KIAA0825: variants seen among roughly 807,000 people sequenced by gnomAD.
KIAA0825 encodes uncharacterized protein KIAA0825.
Under a neutral mutation model 147.6 loss-of-function variants are expected in KIAA0825, and 119 were observed. The observed-to-expected ratio is 0.81, with a 90% CI of 0.69 to 0.94. The LOEUF (loss-of-function observed/expected upper bound fraction) is 0.94, where lower values mean the gene tolerates loss of function less well. Ranked by LOEUF, KIAA0825 falls within the 40% of genes least tolerant of loss-of-function variation. The probability of loss-of-function intolerance (pLI) is 0.00; values close to 1 mark genes in which losing one functional copy is unlikely to be tolerated. For synonymous variants in KIAA0825, 470 were observed against 518.1 expected, an observed-to-expected ratio of 0.91 and a Z score of 1.26; for missense variants, 1,381 against 1,472.7, an observed-to-expected ratio of 0.94 and a Z score of 1.02.
chr5:94,512,548 G>A (rs183278200), intron 5 of KIAA0825, among the ~76,000 whole-genome samples: 1 of 150,530 alleles, frequency 6.6e-6, no homozygotes, highest in East Asian at 2.0e-4. Context: ...GATTGCTTGA[G>A]CCCAAGCATT....
intron 20 of KIAA0825, among the ~76,000 whole-genome samples, chr5:94,197,427 T>C (rs1359912523): frequency 2.0e-5 from 3 of 152,226 alleles, no homozygotes; most frequent in Non-Finnish European, 4.4e-5. Context: ...GTCTGTTTAC[T>C]CTGTTGATAG....
intron 14 of KIAA0825, among the ~76,000 whole-genome samples, chr5:94,418,516 G>A (rs570130687): frequency 1.3e-3 from 167 of 125,824 alleles, no homozygotes; most frequent in Admixed American, 3.0e-3. Flanking sequence ...AGGTGAAGCC[G>A]ACACTATCAT....
intron 20 of KIAA0825, among the ~76,000 whole-genome samples, chr5:94,254,811 G>C (rs1020937266): frequency 5.3e-5 from 8 of 152,032 alleles, no homozygotes; most frequent in Admixed American, 1.3e-4. Context: ...CGGTACCCAT[G>C]AGAGTGCTCT....
chr5:94,312,059 C>T (rs1779233622), intron 20 of KIAA0825, among the ~76,000 whole-genome samples: 1 of 151,604 alleles, frequency 6.6e-6, no homozygotes, highest in Non-Finnish European at 1.5e-5. Context: ...GTTAAAAATT[C>T]GCTCCAGGCT....
In KIAA0825 at chr5:94,558,251, C is replaced by T. The variant is rs144193594; in HGVS notation, c.-1-21124G>A. 7.0e-3 allele frequency among the ~76,000 whole-genome samples: 1,060 copies of T among 152,160 alleles called. 15 individuals carry two copies. Among genetic ancestry groups the T allele is most frequent in the African/African-American group, 0.024 (984 of 41,506 alleles). ...GCCTGCCACCATTTTGGAAACAGCC[C>T]GCCACCATCTTGGGAGCTCTGGGAG... is the stretch of plus-strand genomic sequence containing the variant. On this transcript the variant is annotated intron_variant, in intron 2 of 20. Coordinates refer to ENST00000682413, the MANE Select transcript of KIAA0825 (RefSeq NM_001145678.3).
intron 2 of KIAA0825, among the ~76,000 whole-genome samples, chr5:94,577,363 G>A (rs1221363653): frequency 1.3e-5 from 2 of 152,126 alleles, no homozygotes; most frequent in African/African-American, 2.4e-5. Flanking sequence ...TATCAAAGAG[G>A]ACAATGTTGC....
At chr5:94,499,599 G>T (rs1227784966) in intron 5 of KIAA0825, among the ~76,000 whole-genome samples, 1 of 105,408 alleles carries the variant, frequency 9.5e-6, no homozygotes, top group Non-Finnish European at 2.0e-5. Flanking sequence ...GGGGGGGGGG[G>T]ACCAAGGGTC....
chr5:94,495,281 A>G (rs751759116), intron 5 of KIAA0825, among the ~76,000 whole-genome samples: 2 of 152,210 alleles, frequency 1.3e-5, no homozygotes, highest in Non-Finnish European at 2.9e-5. Context: ...TGTAAATTTT[A>G]TAGTTAATCT....
chr5:94,505,750 A>G (rs1444583296), intron 5 of KIAA0825, among the ~76,000 whole-genome samples: 2 of 152,234 alleles, frequency 1.3e-5, no homozygotes, highest in African/African-American at 4.8e-5. Flanking sequence ...GTAAATAATA[A>G]TTGCATGGGA....
intron 15 of KIAA0825, among the ~76,000 whole-genome samples, chr5:94,412,341 C>A (rs546141918): frequency 1.4e-4 from 22 of 152,308 alleles, no homozygotes; most frequent in African/African-American, 4.8e-4. Context: ...ACAAAATTTT[C>A]ACACATCATT....
chr5:94,227,801 A>G (rs1163809915), intron 20 of KIAA0825, among the ~76,000 whole-genome samples: 4 of 151,394 alleles, frequency 2.6e-5, no homozygotes, highest in Non-Finnish European at 5.9e-5. Context: ...GGCGGGGAAC[A>G]TCACACACTG....
intron 5 of KIAA0825, among the ~76,000 whole-genome samples, chr5:94,510,919 C>T (rs1474763629): frequency 1.3e-5 from 2 of 152,166 alleles, no homozygotes; most frequent in Non-Finnish European, 2.9e-5. Flanking sequence ...GTAAAAGACA[C>T]AGATTTCCCC....
intron 20 of KIAA0825, among the ~76,000 whole-genome samples, chr5:94,249,265 G>T (rs951560841): frequency 6.6e-6 from 1 of 152,038 alleles, no homozygotes; most frequent in Non-Finnish European, 1.5e-5. Flanking sequence ...AGACAAAAAT[G>T]GCTATATTGT....
At chr5:94,575,900 G>A (rs1780932060) in intron 2 of KIAA0825, among the ~76,000 whole-genome samples, 1 of 152,116 alleles carries the variant, frequency 6.6e-6, no homozygotes, top group Non-Finnish European at 1.5e-5. Flanking sequence ...ATGCAGTAAG[G>A]GATAAATTAT....
rs1767980734 is a variant in KIAA0825, at chr5:94,520,581, G to C, written c.637C>G (p.Gln213Glu). Residue 213 changes from glutamine to glutamate, a missense_variant, in exon 5 of 21, where the codon CAA (glutamine) becomes GAA (glutamate). Coordinates refer to ENST00000682413, the MANE Select transcript of KIAA0825 (RefSeq NM_001145678.3). ...GCCAACAGTTTATTCTGTATGTTTTGGTATTTGATTATAACTTCTGATTCT... is the reference window on the plus strand; with the variant it reads ...GCCAACAGTTTATTCTGTATGTTTTCGTATTTGATTATAACTTCTGATTCT... Reference protein sequence around the residue: ...YPESEVIIKYQNIQNKLLANL... With the variant: ...YPESEVIIKYENIQNKLLANL... 1 of 1,613,288 alleles carries C rather than the reference G, an allele frequency of 6.2e-7. No homozygotes were observed. The highest frequency in any genetic ancestry group is 1.7e-5 in the Admixed American group (1 of 59,954).
intron 20 of KIAA0825, among the ~76,000 whole-genome samples, chr5:94,230,959 A>G (rs1206993451): frequency 2.6e-5 from 4 of 152,164 alleles, no homozygotes; most frequent in Non-Finnish European, 5.9e-5. Context: ...TGATGCCATG[A>G]AGCCACAGGT....
At chr5:94,609,456 G>A (rs1351989201) in intron 1 of KIAA0825, among the ~76,000 whole-genome samples, 1 of 151,922 alleles carries the variant, frequency 6.6e-6, no homozygotes, top group Non-Finnish European at 1.5e-5. Flanking sequence ...AATATAAGTA[G>A]ATATAATTAC....
rs570038589 is a variant in KIAA0825, at chr5:94,205,581, A to G, written c.3711-51457T>C. Reference sequence around the variant, plus strand: ...GCTGGGATTACAGGCGTGAGCCACCATGCCCGGCCCAATCTTAGATAATTT... The same window carrying G: ...GCTGGGATTACAGGCGTGAGCCACCGTGCCCGGCCCAATCTTAGATAATTT... On this transcript the variant is annotated intron_variant, in intron 20 of 20. Transcript: ENST00000682413. Among the ~76,000 whole-genome samples, 23 of 152,136 alleles carry G rather than the reference A, an allele frequency of 1.5e-4. No homozygotes were observed. In the East Asian group the frequency reaches 1.5e-3, roughly 10 times the overall value.
At chr5:94,606,236 C>G (rs572866518) in intron 1 of KIAA0825, among the ~76,000 whole-genome samples, 1 of 152,268 alleles carries the variant, frequency 6.6e-6, no homozygotes, top group African/African-American at 2.4e-5. Context: ...TTACAAAACA[C>G]TCCTCAAAGA....
Sources: allele counts gnomAD v4.1 joint callset (sites outside exome capture counted in the v4.1 genomes callset), GRCh38; gene constraint gnomAD v4.1.1; transcripts MANE v1.5; gene names NCBI Gene and HGNC (gene_info 2026-07-23, HGNC 2026-07-21).